The following ADAMTSL1 variants were observed in gnomAD, a reference collection of about 807,000 sequenced individuals.
ADAMTSL1 encodes ADAMTS like 1.
A neutral mutation model predicts 201.8 loss-of-function variants in ADAMTSL1; 126 were observed. The observed-to-expected ratio is 0.62, with a 90% CI of 0.54 to 0.72. The LOEUF (loss-of-function observed/expected upper bound fraction) is 0.72, where lower values mean the gene tolerates loss of function less well. Ranked by LOEUF, ADAMTSL1 falls within the 30% of genes least tolerant of loss-of-function variation. The pLI is 0.00. For missense variants in ADAMTSL1, 2,679 were observed against 2,277.8 expected, an observed-to-expected ratio of 1.18 and a Z score of -3.59; for synonymous variants, 1,121 against 903.4, an observed-to-expected ratio of 1.24 and a Z score of -4.32.
At chr9:18,316,448 C>T (rs1004546377) in intron 2 of ADAMTSL1, among the ~76,000 whole-genome samples, 1 of 152,066 alleles carries the variant, frequency 6.6e-6, no homozygotes, top group Non-Finnish European at 1.5e-5. Context: ...TAGGCCTATA[C>T]CTCCAGGCGT....
chr9:18,683,098 G>C (rs993214705), intron 12 of ADAMTSL1, among the ~76,000 whole-genome samples: 37 of 152,202 alleles, frequency 2.4e-4, no homozygotes, highest in Non-Finnish European at 5.4e-4. Flanking sequence ...AGGTGCGTCT[G>C]ACAGGATTTA....
At chr9:18,658,120 G>A (rs549202859) in intron 8 of ADAMTSL1, among the ~76,000 whole-genome samples, 7 of 152,114 alleles carry the variant, frequency 4.6e-5, no homozygotes, top group South Asian at 2.1e-4. Context: ...GACTGCAGGC[G>A]CCCGCCACCA....
intron 1 of ADAMTSL1, among the ~76,000 whole-genome samples, chr9:17,919,206 G>T (rs1826211887): frequency 6.6e-6 from 1 of 150,704 alleles, no homozygotes; most frequent in Non-Finnish European, 1.5e-5. Context: ...TGTTGTAGTG[G>T]CAATAGTGAG....
chr9:18,029,449 A>C (rs957131591), intron 1 of ADAMTSL1, among the ~76,000 whole-genome samples: 3 of 152,336 alleles, frequency 2.0e-5, no homozygotes, highest in South Asian at 2.1e-4. Context: ...AAACCCTAGA[A>C]GAAAACCTAG....
chr9:17,935,265 C>G (rs1364902292), intron 1 of ADAMTSL1, among the ~76,000 whole-genome samples: 1 of 152,136 alleles, frequency 6.6e-6, no homozygotes, highest in Non-Finnish European at 1.5e-5. Flanking sequence ...CTCCTTTCCT[C>G]CTGCCTTATG....
intron 16 of ADAMTSL1, among the ~76,000 whole-genome samples, chr9:18,769,201 C>T (rs560229618): frequency 6.6e-6 from 1 of 152,156 alleles, no homozygotes; most frequent in Non-Finnish European, 1.5e-5. Flanking sequence ...CGGCAAAAAA[C>T]CCCATAGCCA....
chr9:18,380,715 A>G (rs1837521665), intron 2 of ADAMTSL1, among the ~76,000 whole-genome samples: 2 of 152,160 alleles, frequency 1.3e-5, no homozygotes, highest in Admixed American at 1.3e-4. Context: ...TTCACATTTT[A>G]TATATTAGAA....
intron 2 of ADAMTSL1, among the ~76,000 whole-genome samples, chr9:18,187,595 G>A (rs984878283): frequency 1.5e-4 from 23 of 152,046 alleles, no homozygotes; most frequent in Non-Finnish European, 3.2e-4. Flanking sequence ...AAAAAAGGAA[G>A]CCAGATTATT....
intron 1 of ADAMTSL1, among the ~76,000 whole-genome samples, chr9:18,035,522 A>C (rs942022451): frequency 6.6e-6 from 1 of 152,092 alleles, no homozygotes; most frequent in Non-Finnish European, 1.5e-5. Context: ...ATACTTATAC[A>C]ATTTACTTCC....
intron 1 of ADAMTSL1, among the ~76,000 whole-genome samples, chr9:18,017,053 T>C (rs560264657): frequency 1.3e-5 from 2 of 152,192 alleles, no homozygotes; most frequent in Admixed American, 6.6e-5. Context: ...AGCACAGGCA[T>C]GGACTCAAAC....
chr9:18,355,531 C>A (rs1259211089), intron 2 of ADAMTSL1, among the ~76,000 whole-genome samples: 1 of 152,022 alleles, frequency 6.6e-6, no homozygotes, highest in African/African-American at 2.4e-5. Context: ...TGATGTATTT[C>A]TATAGTGTTA....
rs140658041 is a variant in ADAMTSL1 at position 18,017,760 on chromosome 9, A to G, written c.87+110838A>G. ...TATCCAACTTCCCAAATTCCACCCT[A>G]GTTTATGTGGTTCTGTTTCTTTCCC... On this transcript the variant is annotated intron_variant, in intron 1 of 29. Coordinates refer to the ADAMTSL1 transcript ENST00000680146. Among the ~76,000 whole-genome samples, 10 of 151,964 alleles carry G rather than the reference A, an allele frequency of 6.6e-5. No individual in the cohort carries two copies. In the East Asian group the frequency reaches 2.0e-3, roughly 30 times the overall value.
chr9:18,226,888 GAC>G (rs1433368049), intron 2 of ADAMTSL1, among the ~76,000 whole-genome samples: 2 of 151,994 alleles, frequency 1.3e-5, no homozygotes, highest in Non-Finnish European at 2.9e-5. Flanking sequence ...TTTATTTGTT[GAC>G]ACAGTTATAA....
chr9:17,928,479 C>G (rs1376336662), intron 1 of ADAMTSL1, among the ~76,000 whole-genome samples: 1 of 152,132 alleles, frequency 6.6e-6, no homozygotes, highest in Non-Finnish European at 1.5e-5. Context: ...CACCTTTAGC[C>G]AAATCAACAG....
chr9:18,518,087 T>C (rs1428307345), intron 2 of ADAMTSL1, among the ~76,000 whole-genome samples: 2 of 152,182 alleles, frequency 1.3e-5, no homozygotes, highest in Non-Finnish European at 2.9e-5. Flanking sequence ...GTTGCTAGAT[T>C]CTGCAGCTCA....
chr9:18,507,741 G>A (rs1817766863), intron 2 of ADAMTSL1, among the ~76,000 whole-genome samples: 2 of 152,180 alleles, frequency 1.3e-5, no homozygotes, highest in South Asian at 4.1e-4. Context: ...TTGTGTGTGT[G>A]CTGAGCTGTG....
chr9:18,261,919 A>G (rs765535389), intron 2 of ADAMTSL1, among the ~76,000 whole-genome samples: 3 of 152,240 alleles, frequency 2.0e-5, no homozygotes, highest in Non-Finnish European at 2.9e-5. Flanking sequence ...CATGAAAGAA[A>G]CATGGGCTGA....
chr9:18,826,104 G>A (rs955874388), intron 21 of ADAMTSL1, 180 bp from the exon 22 acceptor site: 4 of 677,772 alleles, frequency 5.9e-6, no homozygotes, highest in Admixed American at 5.7e-5. Flanking sequence ...TCACCCTGAA[G>A]TCTATATCCT....
chr9:17,924,144 T>C (rs969179718), intron 1 of ADAMTSL1, among the ~76,000 whole-genome samples: 14 of 150,702 alleles, frequency 9.3e-5, no homozygotes, highest in Non-Finnish European at 1.5e-5. Context: ...CCTCATAAAA[T>C]GAGTTTGGGA....
Sources: allele counts gnomAD v4.1 joint callset (sites outside exome capture counted in the v4.1 genomes callset), GRCh38; gene constraint gnomAD v4.1.1; transcripts MANE v1.5; gene names NCBI Gene and HGNC (gene_info 2026-07-23, HGNC 2026-07-21).